ADAMTSL1: variants seen among roughly 807,000 people sequenced by gnomAD.
The protein encoded by ADAMTSL1 is ADAMTS-like protein 1.
In ADAMTSL1, 126 loss-of-function variants were observed where a neutral mutation model predicts 201.8. The ratio of observed to expected loss-of-function variants is 0.62; its 90% CI spans 0.54 to 0.72. The LOEUF (loss-of-function observed/expected upper bound fraction) is 0.72. ADAMTSL1 is among the 30% of genes least tolerant of loss of function. The pLI is 0.00. For synonymous variants in ADAMTSL1, 1,121 were observed against 903.4 expected, an observed-to-expected ratio of 1.24 and a Z score of -4.32; for missense variants, 2,679 against 2,277.8, an observed-to-expected ratio of 1.18 and a Z score of -3.59.
In ADAMTSL1 at chr9:18,043,506, AT is replaced by A. The variant is rs201953472; in HGVS notation, c.88-120354del. On this transcript the variant is annotated intron_variant, in intron 1 of 29. Transcript: ENST00000680146. ...CTTGGTGCACAAGTTATTGCAGTTC[AT>A]TGAAAATAATGGGAAAACTGCAATT... 3.9e-5 allele frequency among the ~76,000 whole-genome samples: 6 copies of A among 152,248 alleles called. No homozygotes were observed. The East Asian group carries it at 1.2e-3, about 29-fold the overall frequency.
intron 1 of ADAMTSL1, among the ~76,000 whole-genome samples, chr9:17,989,939 A>G (rs1443842660): frequency 6.7e-6 from 1 of 150,290 alleles, no homozygotes; most frequent in East Asian, 1.9e-4. Context: ...TTTTTCCCAA[A>G]CGTATTCTGC....
intron 1 of ADAMTSL1, among the ~76,000 whole-genome samples, chr9:18,128,865 A>C (rs1825841717): frequency 6.6e-6 from 1 of 152,190 alleles, no homozygotes; most frequent in Non-Finnish European, 1.5e-5. Context: ...TGGCCATAGA[A>C]GGCTTTTGTA....
chr9:18,426,785 A>G (rs1000813465), intron 2 of ADAMTSL1, among the ~76,000 whole-genome samples: 1 of 152,192 alleles, frequency 6.6e-6, no homozygotes, highest in Non-Finnish European at 1.5e-5. Flanking sequence ...CTGAATTCAA[A>G]CCTGGGTCCA....
At chr9:18,737,260 A>G (rs1306966964) in intron 15 of ADAMTSL1, among the ~76,000 whole-genome samples, 1 of 149,080 alleles carries the variant, frequency 6.7e-6, no homozygotes, top group Non-Finnish European at 1.5e-5. Context: ...TGGAGGTTGC[A>G]GTGAACTGAG....
chr9:17,998,459 C>G lies in ADAMTSL1; in HGVS notation c.87+91537C>G, dbSNP rs370186849. Reference sequence around the variant, plus strand: ...TAGGCTGCTGGTCGATGATACCAAGCAAAGTGAAGAAATGAGAACAGACTC... The same window carrying G: ...TAGGCTGCTGGTCGATGATACCAAGGAAAGTGAAGAAATGAGAACAGACTC... On this transcript the variant is annotated intron_variant, in intron 1 of 29. Transcript: ENST00000680146. 8.8e-4 allele frequency among the ~76,000 whole-genome samples: 134 copies of G among 152,012 alleles called. 1 individual carries two copies. The highest frequency in any genetic ancestry group is 3.0e-3 in the African/African-American group (125 of 41,474).
chr9:18,660,462 G>A (rs914308987), intron 8 of ADAMTSL1, among the ~76,000 whole-genome samples: 2 of 152,014 alleles, frequency 1.3e-5, no homozygotes, highest in South Asian at 2.1e-4. Flanking sequence ...TTTTATACAC[G>A]CTATAATAGC....
At chr9:18,899,323 T>C in intron 26 of ADAMTSL1, among the ~76,000 whole-genome samples, 1 of 152,168 alleles carries the variant, frequency 6.6e-6, no homozygotes, top group Non-Finnish European at 1.5e-5. Context: ...GAGAAACATT[T>C]CATGCTCATT....
chr9:18,785,844 C>T (rs181948471), intron 19 of ADAMTSL1, among the ~76,000 whole-genome samples: 1 of 152,292 alleles, frequency 6.6e-6, no homozygotes, highest in Non-Finnish European at 1.5e-5. Flanking sequence ...GTAGAAGAGC[C>T]AGATTCTCCA....
intron 2 of ADAMTSL1, among the ~76,000 whole-genome samples, chr9:18,270,330 GGTTA>G (rs1832306510): frequency 6.6e-6 from 1 of 151,976 alleles, no homozygotes; most frequent in African/African-American, 2.4e-5. Flanking sequence ...TCATCGAGAG[GGTTA>G]GTATTTCAGC....
At chr9:18,280,713 C>T (rs1011747962) in intron 2 of ADAMTSL1, among the ~76,000 whole-genome samples, 2 of 152,070 alleles carry the variant, frequency 1.3e-5, no homozygotes, top group Non-Finnish European at 2.9e-5. Context: ...ATATTAGTTA[C>T]GTAGAAATAT....
chr9:17,994,728 A>C (rs1320491873), intron 1 of ADAMTSL1, among the ~76,000 whole-genome samples: 1 of 152,178 alleles, frequency 6.6e-6, no homozygotes, highest in Non-Finnish European at 1.5e-5. Flanking sequence ...AAGACAGTTC[A>C]TTTACAATCC....
At chr9:18,599,149 C>A (rs1035817112) in intron 4 of ADAMTSL1, among the ~76,000 whole-genome samples, 1 of 152,132 alleles carries the variant, frequency 6.6e-6, no homozygotes, top group Non-Finnish European at 1.5e-5. Flanking sequence ...TTTTATTGAG[C>A]CACATGATAT....
intron 2 of ADAMTSL1, among the ~76,000 whole-genome samples, chr9:18,297,267 G>A (rs566513465): frequency 1.2e-4 from 18 of 152,174 alleles, no homozygotes; most frequent in African/African-American, 4.1e-4. Flanking sequence ...GACTTTTGGC[G>A]TTTTTGTTAG....
chr9:18,186,938 A>G (rs575262628), intron 2 of ADAMTSL1, among the ~76,000 whole-genome samples: 5 of 152,250 alleles, frequency 3.3e-5, no homozygotes, highest in Admixed American at 2.6e-4. Context: ...CATAACTGGT[A>G]AATGGTGGAA....
intron 8 of ADAMTSL1, among the ~76,000 whole-genome samples, chr9:18,660,569 A>C (rs182908228): frequency 4.6e-5 from 7 of 152,340 alleles, no homozygotes; most frequent in Admixed American, 2.0e-4. Flanking sequence ...TTACTACATG[A>C]TAAATTCTGT....
intron 3 of ADAMTSL1, among the ~76,000 whole-genome samples, chr9:18,536,180 T>A (rs998023751): frequency 5.3e-5 from 8 of 152,090 alleles, no homozygotes; most frequent in African/African-American, 1.9e-4. Context: ...CACATCCCAG[T>A]TTTTCAAATT....
At chr9:18,788,643 G>A (rs1225158391) in intron 19 of ADAMTSL1, among the ~76,000 whole-genome samples, 6 of 152,226 alleles carry the variant, frequency 3.9e-5, no homozygotes, top group Middle Eastern at 3.4e-3. Context: ...ACTAGCACCC[G>A]CTCCCGCTTT....
chr9:17,926,743 G>T (rs4504738), intron 1 of ADAMTSL1, among the ~76,000 whole-genome samples: 148,237 of 152,310 alleles, frequency 0.97, 72,186 homozygotes, highest in East Asian at 1. Flanking sequence ...TTCCACCAAT[G>T]AGCTTTTCCA....
chr9:18,314,630 G>T (rs1834291294), intron 2 of ADAMTSL1, among the ~76,000 whole-genome samples: 1 of 151,886 alleles, frequency 6.6e-6, no homozygotes. Context: ...GAGTGAAGCT[G>T]CAGACCTTTG....
Sources: allele counts gnomAD v4.1 joint callset (sites outside exome capture counted in the v4.1 genomes callset), GRCh38; gene constraint gnomAD v4.1.1; transcripts MANE v1.5; gene names NCBI Gene and HGNC (gene_info 2026-07-23, HGNC 2026-07-21).